Variants in MPHOSPH9 observed in about 807,000 individuals in gnomAD.
MPHOSPH9 encodes the protein M-phase phosphoprotein 9.
In MPHOSPH9, 88 loss-of-function variants were observed where a neutral mutation model predicts 145.5. That is an observed-to-expected ratio of 0.60 (90% CI 0.51 to 0.72). MPHOSPH9 has a LOEUF of 0.72. Ranked by LOEUF, MPHOSPH9 falls within the 30% of genes least tolerant of loss-of-function variation. MPHOSPH9 has a pLI of 0.00. For synonymous variants in MPHOSPH9, 435 were observed against 486.2 expected (o/e 0.89, Z 1.39); for missense variants, 1,238 against 1,386.6 (o/e 0.89, Z 1.70).
intron 13 of MPHOSPH9, among the ~76,000 whole-genome samples, chr12:123,192,982 G>T (rs1384088205): frequency 2.0e-5 from 3 of 147,492 alleles, no homozygotes; most frequent in African/African-American, 5.1e-5. Context: ...TGAGGCAGGA[G>T]AATTGCTTGA....
rs2044203202 is a variant in MPHOSPH9, at chr12:123,163,821, C to T, written c.2908+129G>A. ...GAACAAGATCTTATTTAGGGGTCCT[C>T]TGCTCAGAGTACTCTACTAGGTGCT... On this transcript the variant is annotated intron_variant, in intron 19 of 23. Coordinates refer to ENST00000606320, the MANE Select transcript of MPHOSPH9 (RefSeq NM_022782.4). The T allele has an allele frequency of 3.0e-6, 3 of 1,015,448 alleles. 1 individual carries two copies. In the South Asian group the frequency reaches 5.6e-5, roughly 19 times the overall value. 62.9% of individuals were successfully genotyped at this position (1,015,448 alleles called of 1,614,324 possible). A position where few individuals can be genotyped will look rare whatever the true frequency, so the allele number is the denominator to read the frequency against.
At chr12:123,238,762 G>C (rs2047888476) in intron 1 of MPHOSPH9, among the ~76,000 whole-genome samples, 1 of 152,146 alleles carries the variant, frequency 6.6e-6, no homozygotes, top group Non-Finnish European at 1.5e-5. Context: ...TCATTTGGTA[G>C]GTCAGAGCAG....
At chr12:123,227,680 A>G in intron 2 of MPHOSPH9, 64 bp from the exon 3 acceptor site, 1 of 1,363,586 alleles carries the variant, frequency 7.3e-7, no homozygotes, top group Non-Finnish European at 9.7e-7. Context: ...ATAATTCAGC[A>G]GTTCAAGATT....
chr12:123,224,322 G>C (rs190471972), intron 3 of MPHOSPH9, among the ~76,000 whole-genome samples: 65 of 151,966 alleles, frequency 4.3e-4, no homozygotes, highest in Non-Finnish European at 8.2e-4. Context: ...TTTTAGTGGA[G>C]ACGGGGTTTC....
intron 1 of MPHOSPH9, among the ~76,000 whole-genome samples, chr12:123,230,778 T>C (rs1288016066): frequency 2.0e-5 from 3 of 152,114 alleles, no homozygotes; most frequent in Non-Finnish European, 4.4e-5. Context: ...ACATGAACAC[T>C]GAAGATACTA....
chr12:123,203,203 C>T, intron 9 of MPHOSPH9, 47 bp downstream of exon 9: 1 of 1,604,510 alleles, frequency 6.2e-7, no homozygotes, highest in Non-Finnish European at 8.5e-7. Flanking sequence ...AAGTTAGAGT[C>T]AGGAAGCATT....
rs138791463 is a variant in MPHOSPH9 at position 123,194,570 on chromosome 12, C to T, written c.2057G>A (p.Ser686Asn). ...NDLRERFSAA[S>N]SASKILQERI... is the part of the protein sequence containing the mutation. ...TTCCTGCAAAATTTTGGAAGCACTG[C>T]TGGCTGCACTGAAGCGTTCTCTCAA... The change falls in exon 13 of 24, where the codon AGC (serine) becomes AAC (asparagine). Residue 686 changes from serine to asparagine, a missense_variant. Ser to Asn is a conservative substitution (Grantham distance 46). Coordinates refer to ENST00000606320, the MANE Select transcript of MPHOSPH9 (RefSeq NM_022782.4). 267 of 1,609,232 alleles carry T rather than the reference C, an allele frequency of 1.7e-4. No individual in the cohort carries two copies. In the African/African-American group the frequency reaches 2.8e-3, roughly 17 times the overall value.
chr12:123,236,521 G>A (rs554131402), upstream of MPHOSPH9, among the ~76,000 whole-genome samples: 92 of 151,862 alleles, frequency 6.1e-4, 1 homozygote, highest in African/African-American at 2.2e-3. Context: ...TTGAGCCCAG[G>A]AGGTCAAGGC....
At chr12:123,162,470 G>A in intron 20 of MPHOSPH9, 1 of 252,714 alleles carries the variant, frequency 4.0e-6, no homozygotes. Context: ...TATGAAATAA[G>A]CAGGGTAGTT....
chr12:123,182,901 G>A (rs1371982010), intron 13 of MPHOSPH9, among the ~76,000 whole-genome samples: 1 of 150,318 alleles, frequency 6.7e-6, no homozygotes, highest in Non-Finnish European at 1.5e-5. Context: ...GTGACAGAGT[G>A]ACATCTTGTC....
chr12:123,218,671 G>A (rs996065645), intron 5 of MPHOSPH9, among the ~76,000 whole-genome samples, 172 bp from the exon 6 acceptor site: 2 of 151,930 alleles, frequency 1.3e-5, no homozygotes, highest in African/African-American at 2.4e-5. Flanking sequence ...GATTACAGAC[G>A]CACTACCTCG....
intron 5 of MPHOSPH9, among the ~76,000 whole-genome samples, chr12:123,218,707 A>G (rs1344141368): frequency 6.6e-6 from 1 of 152,032 alleles, no homozygotes; most frequent in Non-Finnish European, 1.5e-5. Flanking sequence ...TATTTTTACT[A>G]GAGATGGGGT....
intron 11 of MPHOSPH9, 40 bp downstream of exon 11, chr12:123,202,124 C>T: frequency 6.5e-7 from 1 of 1,547,358 alleles, no homozygotes. Context: ...ATAATACATC[C>T]AAGGTGGAGA....
At chr12:123,229,720 C>A (rs1391700551) in intron 2 of MPHOSPH9, among the ~76,000 whole-genome samples, 1 of 151,836 alleles carries the variant, frequency 6.6e-6, no homozygotes, top group Non-Finnish European at 1.5e-5. Context: ...AAAACAAGTT[C>A]TTTTTCAGAA....
At chr12:123,157,561 G>A (rs1055112374) in intron 23 of MPHOSPH9, among the ~76,000 whole-genome samples, 7 of 152,080 alleles carry the variant, frequency 4.6e-5, no homozygotes, top group Non-Finnish European at 8.8e-5. Flanking sequence ...GCTTACTGCA[G>A]CCTCAAACTC....
chr12:123,183,959 T>C (rs1046726480), intron 13 of MPHOSPH9, among the ~76,000 whole-genome samples: 2 of 151,978 alleles, frequency 1.3e-5, no homozygotes, highest in African/African-American at 4.8e-5. Context: ...CCTATAATCA[T>C]AGCACTTTGA....
rs141929132 is a variant in MPHOSPH9 at position 123,190,856 on chromosome 12, T to G, written c.2241+3530A>C. On this transcript the variant is annotated intron_variant, in intron 13 of 23. Transcript: ENST00000606320. ...AAGGCTAGAACGGTATTTGTTATATTACTCTCTATACTTTTCTGTATGCTT... is the reference window on the plus strand; with the variant it reads ...AAGGCTAGAACGGTATTTGTTATATGACTCTCTATACTTTTCTGTATGCTT... Among the ~76,000 whole-genome samples, 10 of 152,330 alleles carry G rather than the reference T, an allele frequency of 6.6e-5. No homozygotes were observed. The East Asian group carries it at 1.7e-3, about 26-fold the overall frequency.
At chr12:123,239,752 C>T (rs1377079662) in intron 1 of MPHOSPH9, among the ~76,000 whole-genome samples, 1 of 152,170 alleles carries the variant, frequency 6.6e-6, no homozygotes, top group East Asian at 1.9e-4. Flanking sequence ...ATTAACACAA[C>T]AGAGGTGACA....
intron 7 of MPHOSPH9, among the ~76,000 whole-genome samples, chr12:123,211,100 T>G (rs1251837550): frequency 6.8e-6 from 1 of 146,786 alleles, no homozygotes; most frequent in African/African-American, 2.5e-5. Flanking sequence ...TTCTCCTGCC[T>G]CAGCCTCCTG....
Sources: gnomAD v4.1 joint callset for allele counts (sites outside exome capture counted in the v4.1 genomes callset) on GRCh38, gnomAD v4.1.1 for gene constraint, MANE v1.5 for transcripts, NCBI Gene and HGNC (gene_info 2026-07-23, HGNC 2026-07-21) for gene names.